The following MACROD2 variants were observed in gnomAD, a reference collection of about 807,000 sequenced individuals.
MACROD2 encodes mono-ADP ribosylhydrolase 2, also known as ADP-ribose glycohydrolase MACROD2.
MACROD2 carries 36 observed loss-of-function variants against 70.4 expected under a neutral mutation model. The observed-to-expected ratio is 0.51, with a 90% CI of 0.39 to 0.68. The LOEUF (loss-of-function observed/expected upper bound fraction) is 0.68. Ranked by LOEUF, MACROD2 falls within the 30% of genes least tolerant of loss-of-function variation. MACROD2 has a pLI of 0.00. For synonymous variants in MACROD2, 172 were observed against 178.8 expected, an observed-to-expected ratio of 0.96 and a Z score of 0.30; for missense variants, 496 against 538.4, an observed-to-expected ratio of 0.92 and a Z score of 0.78.
chr20:15,428,745 C>A (rs2046330290), intron 6 of MACROD2, among the ~76,000 whole-genome samples: 1 of 152,188 alleles, frequency 6.6e-6, no homozygotes, highest in Admixed American at 6.6e-5. Flanking sequence ...ATGCCACATA[C>A]AACTTGAATT....
intron 8 of MACROD2, among the ~76,000 whole-genome samples, chr20:15,516,214 T>A (rs1396729271): frequency 6.6e-6 from 1 of 152,222 alleles, no homozygotes; most frequent in Admixed American, 6.5e-5. Flanking sequence ...GTCAATGTTT[T>A]CATTTCCAGT....
At chr20:15,571,223 A>G (rs544268597) in intron 8 of MACROD2, among the ~76,000 whole-genome samples, 3 of 152,300 alleles carry the variant, frequency 2.0e-5, no homozygotes, top group South Asian at 2.1e-4. Context: ...AGCTGGAAAC[A>G]GTTTGGATGT....
intron 6 of MACROD2, among the ~76,000 whole-genome samples, chr20:15,336,948 A>G (rs573070214): frequency 6.6e-6 from 1 of 151,784 alleles, no homozygotes; most frequent in Admixed American, 6.6e-5. Flanking sequence ...TATTTCCTTG[A>G]GTATGAGAAT....
intron 5 of MACROD2, among the ~76,000 whole-genome samples, chr20:14,784,073 C>T (rs1793584610): frequency 1.3e-5 from 2 of 152,050 alleles, no homozygotes; most frequent in South Asian, 4.1e-4. Context: ...TGGGTGATGT[C>T]CTGAAACATC....
chr20:14,014,869 T>A, intron 2 of MACROD2, among the ~76,000 whole-genome samples: 1 of 152,100 alleles, frequency 6.6e-6, no homozygotes, highest in Non-Finnish European at 1.5e-5. Flanking sequence ...GGTGCAATCA[T>A]GGCTCACTGG....
At chr20:14,478,518 A>T (rs1265185228) in intron 3 of MACROD2, among the ~76,000 whole-genome samples, 3 of 152,066 alleles carry the variant, frequency 2.0e-5, no homozygotes, top group Non-Finnish European at 2.9e-5. Flanking sequence ...TGGATTTTTT[A>T]AAAAATTTAT....
chr20:15,994,925 A>G (rs1180551644), intron 15 of MACROD2, among the ~76,000 whole-genome samples: 2 of 152,210 alleles, frequency 1.3e-5, no homozygotes, highest in African/African-American at 4.8e-5. Context: ...CACTGTTTCA[A>G]AGATGTTAAG....
intron 10 of MACROD2, among the ~76,000 whole-genome samples, chr20:15,929,993 C>T (rs2065549985): frequency 6.6e-6 from 1 of 152,286 alleles, no homozygotes; most frequent in South Asian, 2.1e-4. Context: ...TTATATCACA[C>T]TCGACATGAA....
At chr20:15,323,740 A>G (rs1050669556) in intron 6 of MACROD2, among the ~76,000 whole-genome samples, 2 of 151,910 alleles carry the variant, frequency 1.3e-5, no homozygotes, top group African/African-American at 4.8e-5. Flanking sequence ...TTTCTTCTCC[A>G]CTGGAAACTT....
intron 6 of MACROD2, among the ~76,000 whole-genome samples, chr20:15,396,582 G>A (rs1229678185): frequency 6.6e-6 from 1 of 152,180 alleles, no homozygotes; most frequent in East Asian, 1.9e-4. Context: ...GGCTCAGAGA[G>A]CGTTTTGGAT....
intron 7 of MACROD2, among the ~76,000 whole-genome samples, chr20:15,496,922 G>A (rs1417853614): frequency 3.3e-5 from 5 of 152,176 alleles, no homozygotes; most frequent in Admixed American, 6.5e-5. Context: ...GACCAAAGGA[G>A]CACAGCTGTC....
intron 6 of MACROD2, among the ~76,000 whole-genome samples, chr20:15,311,686 G>A (rs945880361): frequency 3.3e-5 from 5 of 152,130 alleles, no homozygotes; most frequent in African/African-American, 1.2e-4. Flanking sequence ...CTCAGTTACA[G>A]AAAACCAAAT....
In MACROD2 at chr20:15,937,485, A is replaced by G. The variant is rs2065682563; in HGVS notation, c.848A>G (p.Asn283Ser). The change falls in exon 12 of 18, where the codon AAC becomes AGC. Residue 283 changes from asparagine (N) to serine (S), a missense_variant. By Grantham distance (46) the Asn-to-Ser change is conservative (BLOSUM62 1). Transcript: ENST00000684519. ...EEQSQDADGV[N>S]TVTVPGPASE... The stretch of plus-strand genomic sequence containing the variant: ...CTTTTCTGCTTTATAGATGGTGTCA[A>G]CACTGTCACTGTGCCCGGCCCTGCT... The G allele has an allele frequency of 6.2e-7, 1 of 1,613,384 alleles. No homozygotes were observed. The highest frequency in any genetic ancestry group is 8.5e-7 in the Non-Finnish European group (1 of 1,179,500).
chr20:14,648,262 G>T (rs1264961138), intron 4 of MACROD2, among the ~76,000 whole-genome samples: 1 of 151,890 alleles, frequency 6.6e-6, no homozygotes, highest in Non-Finnish European at 1.5e-5. Context: ...AAGTAGAGTG[G>T]GTCACTATTC....
At chr20:15,599,388 C>G (rs1184004624) in intron 8 of MACROD2, among the ~76,000 whole-genome samples, 1 of 151,878 alleles carries the variant, frequency 6.6e-6, no homozygotes, top group African/African-American at 2.4e-5. Flanking sequence ...AAGACTCTGT[C>G]TCAAAAAAAA....
At chr20:14,175,640 T>C (rs868364960) in intron 3 of MACROD2, among the ~76,000 whole-genome samples, 20 of 152,206 alleles carry the variant, frequency 1.3e-4, no homozygotes, top group African/African-American at 4.8e-4. Flanking sequence ...TTGGATATTT[T>C]CCTGCCCCCA....
intron 5 of MACROD2, among the ~76,000 whole-genome samples, chr20:15,209,123 T>TGG (rs1431988607): frequency 2.1e-3 from 250 of 119,786 alleles, no homozygotes; most frequent in South Asian, 0.019. Context: ...TGGTATTTAT[T>TGG]TATTTATTTA....
intron 3 of MACROD2, among the ~76,000 whole-genome samples, chr20:14,341,496 G>A (rs532749664): frequency 5.3e-5 from 8 of 152,184 alleles, no homozygotes; most frequent in Middle Eastern, 3.4e-3. Context: ...AAAGTTAGCC[G>A]GGCGTGGTGG....
At chr20:16,022,581 G>A (rs184038667) in intron 15 of MACROD2, among the ~76,000 whole-genome samples, 10 of 152,200 alleles carry the variant, frequency 6.6e-5, no homozygotes, top group Admixed American at 2.0e-4. Context: ...TTCTTATTCT[G>A]TACAGCTGGT....
Sources: gnomAD v4.1 joint callset for allele counts (sites outside exome capture counted in the v4.1 genomes callset) on GRCh38, gnomAD v4.1.1 for gene constraint, MANE v1.5 for transcripts, NCBI Gene and HGNC (gene_info 2026-07-23, HGNC 2026-07-21) for gene names.